The following STX12 variants were observed in gnomAD, a reference collection of about 807,000 sequenced individuals.
STX12 encodes the protein syntaxin-12.
STX12 carries 17 observed loss-of-function variants against 42.2 expected under a neutral mutation model. That is an observed-to-expected ratio of 0.40 (90% confidence interval 0.28 to 0.60). The LOEUF is 0.60. STX12 is among the 20% of genes least tolerant of loss of function. The pLI, the probability that STX12 is intolerant of heterozygous loss-of-function variation, is 0.39. For missense variants in STX12, 297 were observed against 330.9 expected (o/e 0.90, Z 0.79); for synonymous variants, 108 against 116.7 (o/e 0.93, Z 0.48).
At chr1:27,810,719 T>G (rs1318623222) in intron 5 of STX12, among the ~76,000 whole-genome samples, 6 of 152,196 alleles carry the variant, frequency 3.9e-5, no homozygotes, top group Non-Finnish European at 4.4e-5. Context: ...ACAATTTGTA[T>G]CTGAATGATG....
At chr1:27,790,556 A>G (rs924263953) in intron 2 of STX12, among the ~76,000 whole-genome samples, 1 of 152,236 alleles carries the variant, frequency 6.6e-6, no homozygotes, top group Non-Finnish European at 1.5e-5. Context: ...CCTGTGAGAC[A>G]GAAAATTTCT....
chr1:27,788,341 G>T (rs2088712867), intron 1 of STX12, among the ~76,000 whole-genome samples: 1 of 152,092 alleles, frequency 6.6e-6, no homozygotes, highest in Non-Finnish European at 1.5e-5. Flanking sequence ...TAAATGAAGG[G>T]CTCTATTGTT....
At chr1:27,813,196 G>A (rs1196901267) in intron 6 of STX12, among the ~76,000 whole-genome samples, 1 of 147,772 alleles carries the variant, frequency 6.8e-6, no homozygotes, top group Non-Finnish European at 1.5e-5. Context: ...TTTTTTCCGA[G>A]ACTAAGTCTT....
chr1:27,820,136 T>C (rs1571535297), intron 8 of STX12: 1 of 155,478 alleles, frequency 6.4e-6, no homozygotes, highest in East Asian at 1.9e-4. Flanking sequence ...GACTGCTATT[T>C]ATATATGAAT....
chr1:27,798,250 G>A (rs2088800001), intron 3 of STX12, among the ~76,000 whole-genome samples: 1 of 152,012 alleles, frequency 6.6e-6, no homozygotes, highest in South Asian at 2.1e-4. Context: ...AAAGATCATG[G>A]CCGGGCACAG....
At chr1:27,803,716 G>T (rs982778343) in intron 4 of STX12, among the ~76,000 whole-genome samples, 10 of 152,164 alleles carry the variant, frequency 6.6e-5, no homozygotes, top group African/African-American at 2.2e-4. Flanking sequence ...AATATATAAA[G>T]AATTCGGCCA....
intron 4 of STX12, 163 bp downstream of exon 4, chr1:27,801,978 A>C: frequency 1.6e-6 from 1 of 606,516 alleles, no homozygotes; most frequent in South Asian, 2.8e-5. Flanking sequence ...CATGTGATCA[A>C]AGCCTAGAAA....
rs200472226 is a variant in STX12 at position 27,799,477 on chromosome 1, G to GTTTTTTTTTTTTTTTTTTTTTT, written c.289-2190_289-2189insTTTTTTTTTTTTTTTTTTTTTT. On this transcript the variant is annotated intron_variant, in intron 3 of 8. Coordinates refer to ENST00000373943, the MANE Select transcript of STX12 (RefSeq NM_177424.3). Reference sequence around the variant, plus strand: ...GGTTGAACCCCAAACTCATTAGCTTGTTTTTTTTTTTGTTTTTTTTTTTGA... The same window carrying GTTTTTTTTTTTTTTTTTTTTTT: ...GGTTGAACCCCAAACTCATTAGCTTGTTTTTTTTTTTTTTTTTTTTTTTTTTTTTTTTTGTTTTTTTTTTTGA... Among the ~76,000 whole-genome samples the GTTTTTTTTTTTTTTTTTTTTTT allele has an allele frequency of 9.9e-5, 13 of 130,714 alleles. 2 individuals carry two copies. Among genetic ancestry groups the GTTTTTTTTTTTTTTTTTTTTTT allele is most frequent in the African/African-American group, 3.2e-4 (10 of 31,238 alleles). 85.8% of individuals were successfully genotyped at this position (130,714 alleles called of 152,430 possible).
At chr1:27,790,693 G>A (rs1430664960) in intron 2 of STX12, among the ~76,000 whole-genome samples, 2 of 152,196 alleles carry the variant, frequency 1.3e-5, no homozygotes, top group African/African-American at 4.8e-5. Flanking sequence ...TGTAATCCCA[G>A]CACTTTGGGA....
intron 6 of STX12, among the ~76,000 whole-genome samples, chr1:27,813,855 G>T (rs2088920810): frequency 6.6e-6 from 1 of 152,116 alleles, no homozygotes; most frequent in Admixed American, 6.6e-5. Flanking sequence ...ATGCAGCCAG[G>T]GTTGAGACCC....
intron 5 of STX12, among the ~76,000 whole-genome samples, chr1:27,810,889 C>T (rs979100452): frequency 2.0e-5 from 3 of 151,768 alleles, no homozygotes; most frequent in Non-Finnish European, 2.9e-5. Context: ...ATCTCTAGCA[C>T]GAAGAGGACG....
chr1:27,803,436 GC>G (rs1208844768), intron 4 of STX12, among the ~76,000 whole-genome samples: 1 of 152,170 alleles, frequency 6.6e-6, no homozygotes, highest in African/African-American at 2.4e-5. Context: ...GACAATAACT[GC>G]CTACCTAGGA....
At position 27,822,369 on chromosome 1, in the gene STX12, C is replaced by T. The variant is rs1369493180; in HGVS notation, c.*40C>T. On this transcript the variant is annotated 3_prime_UTR_variant, in exon 9 of 9. Transcript: ENST00000373943. ...TCTCCCGCTGAGCTGTTTTCAAGGG[C>T]AAGTGCTTGTTGAAGTCTTGCCAGA... 1.5e-6 allele frequency: 2 copies of T among 1,319,920 alleles called. No homozygotes were observed. Among genetic ancestry groups the T allele is most frequent in the African/African-American group, 1.4e-5 (1 of 69,050 alleles). The allele number at this position is 1,319,920 out of a possible 1,614,324, so 81.8% of individuals were successfully genotyped here.
At chr1:27,795,453 C>T (rs1418339354) in intron 3 of STX12, among the ~76,000 whole-genome samples, 3 of 151,886 alleles carry the variant, frequency 2.0e-5, no homozygotes, top group African/African-American at 7.3e-5. Flanking sequence ...TTGCAGGCAC[C>T]CACTACCACG....
intron 6 of STX12, among the ~76,000 whole-genome samples, chr1:27,814,147 C>T (rs2088922780): frequency 1.3e-5 from 2 of 152,170 alleles, no homozygotes; most frequent in Non-Finnish European, 2.9e-5. Context: ...GATAGTTTAT[C>T]CTTAAGTTAT....
intron 6 of STX12, among the ~76,000 whole-genome samples, chr1:27,813,864 C>T (rs2088920851): frequency 6.6e-6 from 1 of 151,984 alleles, no homozygotes; most frequent in African/African-American, 2.4e-5. Context: ...GGGTTGAGAC[C>T]CACTGCCCTA....
intron 3 of STX12, among the ~76,000 whole-genome samples, chr1:27,796,749 C>T (rs1557802299): frequency 6.7e-6 from 1 of 149,364 alleles, no homozygotes; most frequent in Non-Finnish European, 1.5e-5. Flanking sequence ...GTTGCCCAGG[C>T]TGGACTGCGC....
intron 4 of STX12, among the ~76,000 whole-genome samples, chr1:27,802,881 G>C (rs139475742): frequency 1.3e-5 from 2 of 152,204 alleles, no homozygotes; most frequent in East Asian, 3.9e-4. Flanking sequence ...GACATAAAAG[G>C]CTGAAAACCT....
rs1196179560 is a variant in STX12 at position 27,819,629 on chromosome 1, C to T, written c.650-21C>T. On this transcript the variant is annotated intron_variant, in intron 7 of 8. Transcript: ENST00000373943. Reference sequence around the variant, plus strand: ...AAAACATCTGAGTGTGTTAAAACATCCTCTGTCCTTCCTTTTGCAGATAGC... The same window carrying T: ...AAAACATCTGAGTGTGTTAAAACATTCTCTGTCCTTCCTTTTGCAGATAGC... 2.5e-6 allele frequency: 4 copies of T among 1,609,910 alleles called. No homozygotes were observed. The South Asian group carries it at 4.4e-5, about 18-fold the overall frequency.
Sources: gnomAD v4.1 joint callset for allele counts (sites outside exome capture counted in the v4.1 genomes callset) on GRCh38, gnomAD v4.1.1 for gene constraint, MANE v1.5 for transcripts, NCBI Gene and HGNC (gene_info 2026-07-23, HGNC 2026-07-21) for gene names.